The following FAM135B variants were observed in gnomAD, a reference collection of about 807,000 sequenced individuals.
FAM135B encodes the protein family with sequence similarity 135 member B.
Under a neutral mutation model 127.7 loss-of-function variants are expected in FAM135B, and 43 were observed. The ratio of observed to expected loss-of-function variants is 0.34; its 90% confidence interval spans 0.26 to 0.43. The LOEUF (loss-of-function observed/expected upper bound fraction) is 0.43, where lower values mean the gene tolerates loss of function less well. Among genes scored for constraint, FAM135B ranks in the 20% least tolerant of loss-of-function variants. FAM135B has a pLI of 1.00. For missense variants in FAM135B, 1,558 were observed against 1,725.6 expected, an observed-to-expected ratio of 0.90 and a Z score of 1.72; for synonymous variants, 670 against 665.1, an observed-to-expected ratio of 1.01 and a Z score of -0.11.
chr8:138,197,408 G>C (rs1816740497), intron 8 of FAM135B, 108 bp downstream of exon 8: 1 of 1,357,988 alleles, frequency 7.4e-7, no homozygotes, highest in African/African-American at 1.4e-5. Context: ...ACCTGGACCA[G>C]GGTTATTCCT....
Position 138,446,924 on chromosome 8 carries a change from T to C in FAM135B, c.-20+49747A>G, listed in dbSNP as rs919711536. Among the ~76,000 whole-genome samples the C allele has an allele frequency of 1.1e-4, 17 of 152,014 alleles. 1 individual carries two copies. The highest frequency in any genetic ancestry group is 4.1e-4 in the African/African-American group (17 of 41,412). On this transcript the variant is annotated intron_variant, in intron 1 of 19. Coordinates refer to ENST00000395297, the MANE Select transcript of FAM135B (RefSeq NM_015912.4). ...CTACTCATCTGACAAAGGGCTAATATCCAGAATCTACAGAGAACTCAAACA... is the reference window on the plus strand; with the variant it reads ...CTACTCATCTGACAAAGGGCTAATACCCAGAATCTACAGAGAACTCAAACA...
intron 1 of FAM135B, among the ~76,000 whole-genome samples, chr8:138,493,680 G>A (rs1264808495): frequency 6.6e-6 from 1 of 152,180 alleles, no homozygotes; most frequent in Admixed American, 6.5e-5. Flanking sequence ...TGTGAAATTA[G>A]ACAAGGATTT....
intron 1 of FAM135B, among the ~76,000 whole-genome samples, chr8:138,386,598 T>C (rs1832233238): frequency 6.6e-6 from 1 of 152,214 alleles, no homozygotes; most frequent in African/African-American, 2.4e-5. Flanking sequence ...AGTAGTACAC[T>C]TTATTACACT....
At chr8:138,307,977 C>G (rs1394721903) in intron 3 of FAM135B, among the ~76,000 whole-genome samples, 1 of 152,102 alleles carries the variant, frequency 6.6e-6, no homozygotes, top group African/African-American at 2.4e-5. Context: ...AATAGGACTG[C>G]CAGAGTTTCC....
intron 7 of FAM135B, among the ~76,000 whole-genome samples, chr8:138,216,970 C>T (rs1818595781): frequency 1.3e-5 from 2 of 152,274 alleles, no homozygotes; most frequent in South Asian, 4.1e-4. Context: ...GGTTATGCGA[C>T]TTTGGTCAAA....
intron 11 of FAM135B, among the ~76,000 whole-genome samples, chr8:138,170,958 C>A (rs1171176423): frequency 6.6e-6 from 1 of 152,162 alleles, no homozygotes; most frequent in African/African-American, 2.4e-5. Flanking sequence ...GTCAGAACTC[C>A]AGGTTCTCCA....
At position 138,393,326 on chromosome 8, in the gene FAM135B, A is replaced by C. The variant is rs112508971; in HGVS notation, c.-19-25324T>G. Among the ~76,000 whole-genome samples, 358 of 152,272 alleles carry C rather than the reference A, an allele frequency of 2.4e-3. 1 individual carries two copies. The highest frequency in any genetic ancestry group is 8.3e-3 in the African/African-American group (346 of 41,552). ...TTCAAAAAATTCAAGTGACAATTTC[A>C]AAAAAATTCTGGAATCACCAGATTT... On this transcript the variant is annotated intron_variant, in intron 1 of 19. Transcript: ENST00000395297.
chr8:138,212,236 T>C (rs1818200748), intron 7 of FAM135B, among the ~76,000 whole-genome samples: 1 of 152,040 alleles, frequency 6.6e-6, no homozygotes, highest in Non-Finnish European at 1.5e-5. Flanking sequence ...AGAAGACAGG[T>C]ATGCAGCCCT....
Position 138,168,008 on chromosome 8 carries a change from G to T in FAM135B, c.1145C>A (p.Ser382Ter), listed in dbSNP as rs567971711. The change falls in exon 12 of 20, where the codon TCG becomes TAG. Residue 382 changes from serine to a stop codon, truncating the protein, a stop_gained. Transcript: ENST00000395297. LOFTEE classifies it high-confidence loss of function. ...CGGGGGCATGCTAGTGAGGTACTCC[G>T]AGTTCCGGATATCCAGGGACAGCTG... ...HSQLSLDIRN[S>*]EYLTSMPPLP... The T allele has an allele frequency of 6.2e-7, 1 of 1,613,870 alleles. No homozygotes were observed. Among genetic ancestry groups the T allele is most frequent in the Admixed American group, 1.7e-5 (1 of 60,002 alleles).
chr8:138,260,607 C>T (rs1011659450), intron 4 of FAM135B, among the ~76,000 whole-genome samples: 1 of 152,142 alleles, frequency 6.6e-6, no homozygotes, highest in East Asian at 1.9e-4. Flanking sequence ...ATTTATCATT[C>T]CTCTCTACAT....
chr8:138,404,571 T>C (rs551013616), intron 1 of FAM135B, among the ~76,000 whole-genome samples: 1 of 152,216 alleles, frequency 6.6e-6, no homozygotes, highest in Non-Finnish European at 1.5e-5. Context: ...TTTTTCAGAA[T>C]TAGAGTAAAT....
intron 3 of FAM135B, chr8:138,309,117 A>G (rs1587040009): frequency 2.5e-6 from 1 of 399,080 alleles, no homozygotes; most frequent in East Asian, 7.2e-5. Context: ...ATATTTCAGG[A>G]AACTAAAGTT....
chr8:138,392,187 T>C (rs148878315), intron 1 of FAM135B, among the ~76,000 whole-genome samples: 412 of 152,354 alleles, frequency 2.7e-3, no homozygotes, highest in African/African-American at 9.4e-3. Context: ...GAAACTGCCT[T>C]TGCAAACTGC....
At chr8:138,252,004 C>T (rs1821735006) in intron 5 of FAM135B, among the ~76,000 whole-genome samples, 1 of 152,188 alleles carries the variant, frequency 6.6e-6, no homozygotes. Flanking sequence ...AACCCTTGTT[C>T]CTTGTGCGCA....
intron 19 of FAM135B, among the ~76,000 whole-genome samples, chr8:138,134,210 A>T (rs962912616): frequency 2.6e-5 from 4 of 152,212 alleles, no homozygotes; most frequent in Admixed American, 2.0e-4. Flanking sequence ...TGCTCCTTTA[A>T]AATGATGTTT....
At chr8:138,398,465 A>G (rs1832967077) in intron 1 of FAM135B, among the ~76,000 whole-genome samples, 1 of 152,230 alleles carries the variant, frequency 6.6e-6, no homozygotes, top group African/African-American at 2.4e-5. Context: ...GGAACCAGGC[A>G]CAGATGCACA....
chr8:138,395,994 T>C (rs559043450), intron 1 of FAM135B, among the ~76,000 whole-genome samples: 41 of 152,344 alleles, frequency 2.7e-4, no homozygotes, highest in African/African-American at 9.6e-4. Context: ...GCATCAGGGT[T>C]GTAACCTTCA....
intron 5 of FAM135B, among the ~76,000 whole-genome samples, chr8:138,251,697 AC>A (rs1821707256): frequency 6.6e-6 from 1 of 152,096 alleles, no homozygotes; most frequent in African/African-American, 2.4e-5. Flanking sequence ...CTGGCACACG[AC>A]CCAACAGCAT....
rs370475749 is a variant in FAM135B, at chr8:138,492,846, C to A, written c.-20+3825G>T. Among the ~76,000 whole-genome samples the A allele has an allele frequency of 2.6e-5, 4 of 152,140 alleles. No homozygotes were observed. The East Asian group carries it at 7.7e-4, about 29-fold the overall frequency. Reference sequence around the variant, plus strand: ...GAGGCTCCTCTTTGTTCCCGCAGACCCCCGGCATTGCCTGGTTTGTTCTTG... The same window carrying A: ...GAGGCTCCTCTTTGTTCCCGCAGACACCCGGCATTGCCTGGTTTGTTCTTG... On this transcript the variant is annotated intron_variant, in intron 1 of 19. Coordinates refer to ENST00000395297, the MANE Select transcript of FAM135B (RefSeq NM_015912.4).
Sources: gnomAD v4.1 joint callset for allele counts (sites outside exome capture counted in the v4.1 genomes callset) on GRCh38, gnomAD v4.1.1 for gene constraint, MANE v1.5 for transcripts, NCBI Gene and HGNC (gene_info 2026-07-23, HGNC 2026-07-21) for gene names.